RANBP2: variants seen among roughly 807,000 people sequenced by gnomAD.
RANBP2 encodes RAN binding protein 2.
In RANBP2, 57 loss-of-function variants were observed where a neutral mutation model predicts 303.6. That is an observed-to-expected ratio of 0.19 (90% CI 0.15 to 0.23). The LOEUF is 0.23. RANBP2 is among the 10% of genes least tolerant of loss of function. RANBP2 has a pLI of 1.00. For missense variants in RANBP2, 3,138 were observed against 3,780.8 expected (o/e 0.83, Z 4.46); for synonymous variants, 1,167 against 1,301.5 (o/e 0.90, Z 2.23).
At chr2:109,210,649 G>A in the RANBP2 span, among the ~76,000 whole-genome samples, 1 of 152,162 alleles carries the variant, frequency 6.6e-6, no homozygotes, top group Non-Finnish European at 1.5e-5. Flanking sequence ...AGTAAGGGGA[G>A]AGGTGGGGTC....
At chr2:108,752,577 T>C (rs1389186159) in intron 12 of RANBP2, among the ~76,000 whole-genome samples, 2 of 139,888 alleles carry the variant, frequency 1.4e-5, no homozygotes, top group African/African-American at 5.4e-5. Flanking sequence ...TCGAGATCAT[T>C]CCTGGCTAAC....
At chr2:109,371,634 G>A in the RANBP2 span, 1 of 1,614,068 alleles carries the variant, frequency 6.2e-7, no homozygotes, top group Non-Finnish European at 8.5e-7. Flanking sequence ...CTGGGCGGAA[G>A]GCATGCTGGG....
At chr2:109,301,490 A>C in the RANBP2 span, among the ~76,000 whole-genome samples, 1 of 151,946 alleles carries the variant, frequency 6.6e-6, no homozygotes, top group Non-Finnish European at 1.5e-5. Flanking sequence ...GAGGATGGAG[A>C]GGGCAGTGCC....
intron 26 of RANBP2, 72 bp downstream of exon 26, chr2:108,781,501 G>A (rs1558941595): frequency 7.0e-6 from 10 of 1,431,816 alleles, no homozygotes; most frequent in Non-Finnish European, 9.7e-6. Context: ...GGCTTGATCT[G>A]TCAGGGTATA....
the RANBP2 span, among the ~76,000 whole-genome samples, chr2:109,582,075 G>C: frequency 7.0e-6 from 1 of 143,766 alleles, no homozygotes; most frequent in East Asian, 2.0e-4. Flanking sequence ...ATGTACAACA[G>C]ACACACACAC....
the RANBP2 span, among the ~76,000 whole-genome samples, chr2:109,228,170 G>T: frequency 0.16 from 23,724 of 152,080 alleles, 3,584 homozygotes; most frequent in African/African-American, 0.38. Flanking sequence ...TGGCAAACAT[G>T]GTGCTACTTG....
chr2:109,351,004 G>C, the RANBP2 span, among the ~76,000 whole-genome samples: 2 of 152,252 alleles, frequency 1.3e-5, no homozygotes, highest in Non-Finnish European at 2.9e-5. Context: ...GAATAGTCCT[G>C]TTAAAGTGGC....
the RANBP2 span, among the ~76,000 whole-genome samples, chr2:109,068,449 T>C: frequency 6.6e-6 from 1 of 152,174 alleles, no homozygotes; most frequent in Non-Finnish European, 1.5e-5. Flanking sequence ...CCTGTTTTGA[T>C]CACTGCAACA....
chr2:108,970,388 A>T, the RANBP2 span, among the ~76,000 whole-genome samples: 1 of 152,188 alleles, frequency 6.6e-6, no homozygotes, highest in Non-Finnish European at 1.5e-5. Context: ...AGAACCTGGG[A>T]GCCCAGAGTT....
chr2:109,416,888 G>A, the RANBP2 span, among the ~76,000 whole-genome samples: 1 of 147,054 alleles, frequency 6.8e-6, no homozygotes. Context: ...CTGGGCGACA[G>A]AGTGAGACTT....
At chr2:109,285,178 A>G in the RANBP2 span, among the ~76,000 whole-genome samples, 3 of 152,318 alleles carry the variant, frequency 2.0e-5, no homozygotes, top group African/African-American at 7.2e-5. Flanking sequence ...TAAAGAAGGA[A>G]CAAATTGAGC....
the RANBP2 span, among the ~76,000 whole-genome samples, chr2:109,421,844 G>A: frequency 8.5e-5 from 13 of 152,322 alleles, no homozygotes; most frequent in African/African-American, 1.7e-4. Flanking sequence ...GTGATGGTCC[G>A]TTCCATGTGT....
chr2:109,720,055 C>G, the RANBP2 span, among the ~76,000 whole-genome samples: 1 of 152,100 alleles, frequency 6.6e-6, no homozygotes, highest in South Asian at 2.1e-4. Context: ...CCCTTACCAG[C>G]CAGCTTCGGC....
chr2:109,347,999 C>T, the RANBP2 span: 2 of 1,544,770 alleles, frequency 1.3e-6, no homozygotes, highest in Non-Finnish European at 1.7e-6. Flanking sequence ...GCCTCTGTGC[C>T]ACCCAGGGCT....
chr2:109,448,092 C>G, the RANBP2 span, among the ~76,000 whole-genome samples: 1 of 152,126 alleles, frequency 6.6e-6, no homozygotes, highest in African/African-American at 2.4e-5. Flanking sequence ...GAGTGACATA[C>G]CCAGTGTGGA....
At chr2:109,306,454 A>G in the RANBP2 span, among the ~76,000 whole-genome samples, 1 of 152,222 alleles carries the variant, frequency 6.6e-6, no homozygotes, top group African/African-American at 2.4e-5. Flanking sequence ...CAGGCTGCAC[A>G]TACCGCAGAA....
chr2:108,763,440 A>G lies in RANBP2; in HGVS notation c.2901A>G (p.Gln967=), dbSNP rs376394926. Residue 967 remains glutamine, a synonymous_variant, in exon 20 of 29, where the codon CAA becomes CAG. Transcript: ENST00000283195. ...ATGATTACTTTAATTACAATGTTCA[A>G]CAGACAAGCACAAATCCACCTTTGC... is the stretch of plus-strand genomic sequence containing the variant. The part of the protein sequence containing the change: ...RGDDYFNYNV[Q]QTSTNPPLPE... The G allele has an allele frequency of 1.3e-4, 208 of 1,614,050 alleles. 1 individual carries two copies. Among genetic ancestry groups the G allele is most frequent in the Admixed American group, 9.8e-4 (59 of 59,992 alleles).
chr2:109,222,483 G>A, the RANBP2 span, among the ~76,000 whole-genome samples: 1 of 145,186 alleles, frequency 6.9e-6, no homozygotes, highest in African/African-American at 2.8e-5. Flanking sequence ...ATCAGTAAAA[G>A]TTCCTCCAAA....
At chr2:109,104,674 G>T in the RANBP2 span, among the ~76,000 whole-genome samples, 1 of 151,820 alleles carries the variant, frequency 6.6e-6, no homozygotes, top group Non-Finnish European at 1.5e-5. Flanking sequence ...AGTAGAGACG[G>T]GGGTTTCACC....
Sources: allele counts gnomAD v4.1 joint callset (sites outside exome capture counted in the v4.1 genomes callset), GRCh38; gene constraint gnomAD v4.1.1; transcripts MANE v1.5; gene names NCBI Gene and HGNC (gene_info 2026-07-23, HGNC 2026-07-21).